Variants in MAST4 observed in about 807,000 individuals in gnomAD.
MAST4 encodes microtubule associated serine/threonine kinase family member 4, also known as microtubule-associated serine/threonine-protein kinase 4.
MAST4 carries 89 observed loss-of-function variants against 162.7 expected under a neutral mutation model. The ratio of observed to expected loss-of-function variants is 0.55; its 90% CI spans 0.46 to 0.65. The LOEUF (loss-of-function observed/expected upper bound fraction) is 0.65, where lower values mean the gene tolerates loss of function less well. Ranked by LOEUF, MAST4 falls within the 30% of genes least tolerant of loss-of-function variation. MAST4 has a pLI of 0.00. For missense variants in MAST4, 3,153 were observed against 3,374.0 expected, an observed-to-expected ratio of 0.93 and a Z score of 1.62; for synonymous variants, 1,479 against 1,361.1, an observed-to-expected ratio of 1.09 and a Z score of -1.91.
At chr5:66,974,985 C>T (rs1747948168) in intron 4 of MAST4, among the ~76,000 whole-genome samples, 1 of 152,120 alleles carries the variant, frequency 6.6e-6, no homozygotes, top group Non-Finnish European at 1.5e-5. Flanking sequence ...GTAAACATTA[C>T]CTTACTTAGG....
At chr5:67,085,816 A>G (rs1426322870) in intron 5 of MAST4, among the ~76,000 whole-genome samples, 1 of 152,094 alleles carries the variant, frequency 6.6e-6, no homozygotes, top group Non-Finnish European at 1.5e-5. Context: ...TGAAAGGGAG[A>G]TTCCTAGCTC....
intron 4 of MAST4, among the ~76,000 whole-genome samples, chr5:67,013,151 A>G (rs1260577530): frequency 6.6e-6 from 1 of 152,232 alleles, no homozygotes; most frequent in Non-Finnish European, 1.5e-5. Flanking sequence ...AATTGCAGGC[A>G]GTAGTACAAG....
At chr5:66,873,807 C>T (rs888437595) in intron 3 of MAST4, among the ~76,000 whole-genome samples, 6 of 152,156 alleles carry the variant, frequency 3.9e-5, no homozygotes, top group Non-Finnish European at 5.9e-5. Context: ...ACTGCTATTT[C>T]TCAATCCTAA....
At chr5:67,075,559 A>G (rs921021544) in intron 5 of MAST4, among the ~76,000 whole-genome samples, 8 of 152,168 alleles carry the variant, frequency 5.3e-5, no homozygotes, top group Non-Finnish European at 7.4e-5. Flanking sequence ...AAATATTACA[A>G]AACTATTTAG....
intron 5 of MAST4, among the ~76,000 whole-genome samples, chr5:67,078,707 ATATTTAT>A (rs1216638577): frequency 5.8e-5 from 7 of 121,334 alleles, no homozygotes; most frequent in African/African-American, 1.1e-4. Flanking sequence ...TTTATATATA[ATATTTAT>A]TTATATTATA....
At chr5:67,144,523 T>A (rs1770822242) in intron 21 of MAST4, 146 bp from the exon 22 acceptor site, 1 of 764,692 alleles carries the variant, frequency 1.3e-6, no homozygotes, top group Admixed American at 2.7e-5. Context: ...GGATTCTGGT[T>A]AACAACACTG....
At chr5:66,680,765 G>A (rs1046907838) in intron 1 of MAST4, among the ~76,000 whole-genome samples, 1 of 152,190 alleles carries the variant, frequency 6.6e-6, no homozygotes, top group African/African-American at 2.4e-5. Context: ...ACCCGAGGGA[G>A]AAAGAGTAAA....
intron 1 of MAST4, among the ~76,000 whole-genome samples, chr5:66,716,788 G>GT (rs778557720): frequency 6.6e-6 from 1 of 152,166 alleles, no homozygotes; most frequent in Non-Finnish European, 1.5e-5. Flanking sequence ...TGTTTGTTGT[G>GT]TTTTTTGGCT....
chr5:66,935,524 C>T (rs896359567), intron 4 of MAST4, among the ~76,000 whole-genome samples: 10 of 152,046 alleles, frequency 6.6e-5, no homozygotes, highest in Middle Eastern at 3.2e-3. Context: ...CTTTCTGTCC[C>T]GGAGAAGCCT....
At chr5:67,013,198 C>T (rs2150359270) in intron 4 of MAST4, among the ~76,000 whole-genome samples, 1 of 152,312 alleles carries the variant, frequency 6.6e-6, no homozygotes, top group South Asian at 2.1e-4. Context: ...GGCCAACCAC[C>T]ATTTTTATTC....
chr5:66,852,630 A>G (rs985525410), intron 3 of MAST4, among the ~76,000 whole-genome samples: 2 of 152,170 alleles, frequency 1.3e-5, no homozygotes, highest in African/African-American at 4.8e-5. Flanking sequence ...GGATTTTTGC[A>G]CAACTGAAAT....
intron 1 of MAST4, among the ~76,000 whole-genome samples, chr5:66,650,630 A>G (rs1746156969): frequency 6.6e-6 from 1 of 152,208 alleles, no homozygotes; most frequent in African/African-American, 2.4e-5. Context: ...GCCAACTGCC[A>G]TGTAAGTTCC....
At chr5:66,843,457 G>C (rs1758569408) in intron 3 of MAST4, among the ~76,000 whole-genome samples, 1 of 152,150 alleles carries the variant, frequency 6.6e-6, no homozygotes, top group Non-Finnish European at 1.5e-5. Flanking sequence ...GCTTAACAGA[G>C]AGGAGAATGA....
intron 4 of MAST4, among the ~76,000 whole-genome samples, chr5:66,905,029 G>A (rs1763256464): frequency 1.3e-5 from 2 of 152,082 alleles, no homozygotes; most frequent in South Asian, 4.1e-4. Context: ...TCCAAGGCCG[G>A]GCGCAGTGGC....
chr5:66,797,082 G>A (rs1755686751), intron 3 of MAST4, among the ~76,000 whole-genome samples: 1 of 152,214 alleles, frequency 6.6e-6, no homozygotes, highest in South Asian at 2.1e-4. Context: ...AATGCCCACT[G>A]GTGTGGACAG....
chr5:66,721,900 A>G (rs2149539654), intron 1 of MAST4, among the ~76,000 whole-genome samples: 1 of 152,068 alleles, frequency 6.6e-6, no homozygotes, highest in African/African-American at 2.4e-5. Flanking sequence ...TATCTAGGCT[A>G]TTGGGCAACT....
chr5:67,049,238 A>C (rs996178961), intron 4 of MAST4, among the ~76,000 whole-genome samples: 14 of 151,554 alleles, frequency 9.2e-5, no homozygotes, highest in East Asian at 1.9e-4. Flanking sequence ...AACAAATAGC[A>C]CAAATGATAC....
intron 1 of MAST4, among the ~76,000 whole-genome samples, chr5:66,650,200 T>C (rs1746127902): frequency 6.6e-6 from 1 of 152,162 alleles, no homozygotes; most frequent in Admixed American, 6.5e-5. Flanking sequence ...GTGGCTCTGC[T>C]TCAAGCTGTG....
chr5:66,647,956 C>T (rs895906635), intron 1 of MAST4, among the ~76,000 whole-genome samples: 10 of 151,232 alleles, frequency 6.6e-5, no homozygotes, highest in Admixed American at 4.6e-4. Context: ...AAGTCATTTA[C>T]ATTATTGATG....
Sources: allele counts gnomAD v4.1 joint callset (sites outside exome capture counted in the v4.1 genomes callset), GRCh38; gene constraint gnomAD v4.1.1; transcripts MANE v1.5; gene names NCBI Gene and HGNC (gene_info 2026-07-23, HGNC 2026-07-21).